The following ZNF227 variants were observed in gnomAD, a reference collection of about 807,000 sequenced individuals.
ZNF227 encodes the protein zinc finger protein 227.
A neutral mutation model predicts 13.2 loss-of-function variants in ZNF227; 12 were observed. The ratio of observed to expected loss-of-function variants is 0.91; its 90% CI spans 0.58 to 1.47. The LOEUF (loss-of-function observed/expected upper bound fraction) is 1.47, where lower values mean the gene tolerates loss of function less well. Ranked by LOEUF, ZNF227 falls within the 40% of genes most tolerant of loss-of-function variation. The pLI is 0.00. For missense variants in ZNF227, 885 were observed against 967.5 expected (o/e 0.91, Z 1.13); for synonymous variants, 338 against 326.0 (o/e 1.04, Z -0.40).
chr19:44,235,164 T>A lies in ZNF227; in HGVS notation c.734T>A (p.Leu245Ter). ...ISDGSNQKLP[L>*]GEKPHPCGEC... is the part of the protein sequence containing the mutation. ...GATGGCTCCAATCAGAAATTACCCTTAGGAGAGAAACCCCATCCATGTGGT... is the reference window on the plus strand; with the variant it reads ...GATGGCTCCAATCAGAAATTACCCTAAGGAGAGAAACCCCATCCATGTGGT... Residue 245 changes from leucine (L) to a stop codon, truncating the protein, a stop_gained, in exon 6 of 6, where the codon TTA becomes TAA. Transcript: ENST00000313040. LOFTEE classifies it low-confidence loss of function (END_TRUNC). 6.2e-7 allele frequency: 1 copy of A among 1,614,146 alleles called. No homozygotes were observed. The highest frequency in any genetic ancestry group is 8.5e-7 in the Non-Finnish European group (1 of 1,180,018).
At chr19:44,228,099 T>C in intron 3 of ZNF227, 2 of 172,732 alleles carry the variant, frequency 1.2e-5, no homozygotes, top group Non-Finnish European at 2.4e-5. Flanking sequence ...GGCATGGTAG[T>C]AGACGCCTGT....
Position 44,234,703 on chromosome 19 carries a change from C to T in ZNF227, c.273C>T (p.Ser91=), listed in dbSNP as rs770520760. 8.2e-6 allele frequency: 13 copies of T among 1,575,982 alleles called. No individual in the cohort carries two copies. The highest frequency in any genetic ancestry group is 2.2e-5 in the East Asian group (1 of 44,682). Reference sequence around the variant, plus strand: ...ATTGCCTTTTTTCTTTTTTAATAGGCAGCAAGCATCAAAATAAGATGGAAA... The same window carrying T: ...ATTGCCTTTTTTCTTTTTTAATAGGTAGCAAGCATCAAAATAAGATGGAAA... ...LWMMETETQR[S]SKHQNKMETL... is the part of the protein sequence containing the mutation. The change falls in exon 6 of 6, where the codon AGC becomes AGT. Residue 91 remains serine (S), a splice_region_variant and synonymous_variant. Coordinates refer to ENST00000313040, the MANE Select transcript of ZNF227 (RefSeq NM_182490.3).
At chr19:44,214,845 A>C (rs910754563) in intron 2 of ZNF227, among the ~76,000 whole-genome samples, 13 of 150,574 alleles carry the variant, frequency 8.6e-5, no homozygotes, top group African/African-American at 2.9e-4. Context: ...ACTTCTGGGC[A>C]GCGGACCTGG....
Position 44,235,393 on chromosome 19 carries a change from G to GAA in ZNF227, c.964_965dup (p.Tyr324LeufsTer129), listed in dbSNP as rs1974339852. On this transcript the variant is annotated frameshift_variant, in exon 6 of 6. Coordinates refer to ENST00000313040, the MANE Select transcript of ZNF227 (RefSeq NM_182490.3). LOFTEE classifies it low-confidence loss of function (END_TRUNC). ...CTTATCAATCTAATCATACAGGAGA[G>GAA]AAGTCTTATAGATGCGACAGTTGCG... The GAA allele has an allele frequency of 6.2e-7, 1 of 1,614,044 alleles. No homozygotes were observed. Among genetic ancestry groups the GAA allele is most frequent in the African/African-American group, 1.3e-5 (1 of 74,918 alleles).
intron 3 of ZNF227, among the ~76,000 whole-genome samples, chr19:44,219,407 A>G (rs1480827454): frequency 6.6e-6 from 1 of 152,198 alleles, no homozygotes; most frequent in Non-Finnish European, 1.5e-5. Context: ...AACATTAGGT[A>G]AAGGTCTAAT....
chr19:44,236,750 T>C lies in ZNF227; in HGVS notation c.2320T>C (p.Cys774Arg). 6.2e-7 allele frequency: 1 copy of C among 1,613,910 alleles called. No homozygotes were observed. The highest frequency in any genetic ancestry group is 1.1e-5 in the South Asian group (1 of 91,050). ...RVHTGEKPYK[C>R]DICDKDFRHR... is the part of the protein sequence containing the mutation. ...CCACACTGGAGAAAAACCATACAAATGTGACATATGTGATAAGGACTTCCG... is the reference window on the plus strand; with the variant it reads ...CCACACTGGAGAAAAACCATACAAACGTGACATATGTGATAAGGACTTCCG... The change falls in exon 6 of 6, where the codon TGT becomes CGT. Residue 774 changes from cysteine to arginine, a missense_variant. Physicochemically the swap from Cys to Arg is radical, Grantham distance 180. Transcript: ENST00000313040.
At chr19:44,230,931 A>ATCTATCTATCTATCTATCTATC (rs1568609926) in intron 5 of ZNF227, among the ~76,000 whole-genome samples, 10 of 115,538 alleles carry the variant, frequency 8.7e-5, no homozygotes, top group African/African-American at 3.7e-4. Flanking sequence ...AAAAAAATAT[A>ATCTATCTATCTATCTATCTATC]TATATATATA....
At chr19:44,225,590 G>A (rs1031841893) in intron 3 of ZNF227, among the ~76,000 whole-genome samples, 1 of 152,100 alleles carries the variant, frequency 6.6e-6, no homozygotes, top group African/African-American at 2.4e-5. Flanking sequence ...TCTTCATGTA[G>A]TTCTCGAGCC....
chr19:44,236,907 C>A lies in ZNF227; in HGVS notation c.*77C>A. The A allele has an allele frequency of 1.7e-6, 2 of 1,192,936 alleles. No homozygotes were observed. Among genetic ancestry groups the A allele is most frequent in the Non-Finnish European group, 2.3e-6 (2 of 858,130 alleles). The allele number at this position is 1,192,936 out of a possible 1,614,324, so 73.9% of individuals were successfully genotyped here. ...TGGCTAGTCCATGCTGGTGGTAAAC[C>A]CTGTAAAACTACTGAGAGTGGAAGG... On this transcript the variant is annotated 3_prime_UTR_variant, in exon 6 of 6. Transcript: ENST00000313040.
intron 5 of ZNF227, among the ~76,000 whole-genome samples, chr19:44,230,926 A>AAAAAAAAAAAAAAATATATAT (rs1555792168): frequency 2.9e-5 from 2 of 68,114 alleles, no homozygotes; most frequent in East Asian, 4.0e-4. Context: ...AAAAAAAAAA[A>AAAAAAAAAAAAAAATATATAT]ATATATATAT....
intron 2 of ZNF227, among the ~76,000 whole-genome samples, chr19:44,214,788 C>CT (rs59397656): frequency 0.013 from 1,906 of 143,590 alleles, 28 homozygotes; most frequent in African/African-American, 0.037. Flanking sequence ...TTCCACCCCA[C>CT]TTTTTTTTTT....
Position 44,236,818 on chromosome 19 carries a change from TA to T in ZNF227, c.2393del (p.Lys798SerfsTer22). 3 of 1,561,862 alleles carry T rather than the reference TA, an allele frequency of 1.9e-6. No individual in the cohort carries two copies. Among genetic ancestry groups the T allele is most frequent in the South Asian group, 2.4e-5 (2 of 82,696 alleles). ...LTYHQKVHTG[K>X]KL ...CATATCATCAGAAAGTCCATACTGG[TA>T]AAAAGCTTTAGAAATGAGAAATGTG... On this transcript the variant is annotated frameshift_variant, in exon 6 of 6. Transcript: ENST00000313040. LOFTEE classifies it high-confidence loss of function.
chr19:44,231,694 T>C (rs1973860667), intron 5 of ZNF227, among the ~76,000 whole-genome samples: 1 of 152,212 alleles, frequency 6.6e-6, no homozygotes, highest in Non-Finnish European at 1.5e-5. Context: ...CAAGTAGATA[T>C]CACATCCCTT....
intron 5 of ZNF227, among the ~76,000 whole-genome samples, chr19:44,233,750 G>C (rs778037833): frequency 6.6e-6 from 1 of 152,122 alleles, no homozygotes; most frequent in Non-Finnish European, 1.5e-5. Flanking sequence ...ACAAAAATTG[G>C]CTGAGTGTAG....
At chr19:44,228,782 G>A in intron 4 of ZNF227, 2 of 529,746 alleles carry the variant, frequency 3.8e-6, no homozygotes, top group Non-Finnish European at 6.1e-6. Flanking sequence ...AACCATGGGT[G>A]ATTTCGCCCC....
chr19:44,235,150 T>C lies in ZNF227; in HGVS notation c.720T>C (p.Asn240=), dbSNP rs2279073. Residue 240 remains asparagine, a synonymous_variant, in exon 6 of 6, where the codon AAT becomes AAC. Transcript: ENST00000313040. ...EYGKIISDGS[N]QKLPLGEKPH... ...GCAAAATCATTAGTGATGGCTCCAA[T>C]CAGAAATTACCCTTAGGAGAGAAAC... The C allele has an allele frequency of 0.52, 842,650 of 1,613,702 alleles. 225,889 individuals are homozygous for C. The highest frequency in any genetic ancestry group is 0.65 in the South Asian group (58,863 of 91,068).
chr19:44,213,871 A>G (rs1434378474), intron 2 of ZNF227: 2 of 152,228 alleles, frequency 1.3e-5, no homozygotes, highest in Non-Finnish European at 2.9e-5. Context: ...AATATGTCAT[A>G]TTCTAGTTAT....
chr19:44,234,696 T>G lies in ZNF227; in HGVS notation c.272-6T>G, dbSNP rs777798976. 32 of 1,565,358 alleles carry G rather than the reference T, an allele frequency of 2.0e-5. No homozygotes were observed. The Middle Eastern group carries it at 5.2e-4, about 25-fold the overall frequency. The stretch of plus-strand genomic sequence containing the variant: ...TCTAAATATTGCCTTTTTTCTTTTT[T>G]AATAGGCAGCAAGCATCAAAATAAG... On this transcript the variant is annotated splice_polypyrimidine_tract_variant and splice_region_variant and intron_variant, in intron 5 of 5. Transcript: ENST00000313040.
At chr19:44,215,723 C>A (rs1027895305) in intron 2 of ZNF227, among the ~76,000 whole-genome samples, 1 of 152,066 alleles carries the variant, frequency 6.6e-6, no homozygotes, top group Non-Finnish European at 1.5e-5. Flanking sequence ...TGCGGTGGCT[C>A]ATGCCTGTAA....
Sources: gnomAD v4.1 joint callset for allele counts (sites outside exome capture counted in the v4.1 genomes callset) on GRCh38, gnomAD v4.1.1 for gene constraint, MANE v1.5 for transcripts, NCBI Gene and HGNC (gene_info 2026-07-23, HGNC 2026-07-21) for gene names.